Variants in CNTN4 observed in about 807,000 individuals in gnomAD.
The protein encoded by CNTN4 is contactin 4.
In CNTN4, 77 loss-of-function variants were observed where a neutral mutation model predicts 122.5. That is an observed-to-expected ratio of 0.63 (90% CI 0.52 to 0.76). CNTN4 has a LOEUF of 0.76. Among genes scored for constraint, CNTN4 ranks in the 30% least tolerant of loss-of-function variants. The pLI, the probability that CNTN4 is intolerant of heterozygous loss-of-function variation, is 0.00. For missense variants in CNTN4, 1,256 were observed against 1,259.1 expected, an observed-to-expected ratio of 1.00 and a Z score of 0.04; for synonymous variants, 512 against 447.0, an observed-to-expected ratio of 1.15 and a Z score of -1.83.
At chr3:2,248,137 G>T (rs969894417) in intron 2 of CNTN4, among the ~76,000 whole-genome samples, 2 of 151,844 alleles carry the variant, frequency 1.3e-5, no homozygotes, top group Non-Finnish European at 1.5e-5. Flanking sequence ...AAAGTTCCTG[G>T]CTCATAATAG....
chr3:2,550,397 G>C (rs2078445836), intron 3 of CNTN4, among the ~76,000 whole-genome samples: 1 of 152,138 alleles, frequency 6.6e-6, no homozygotes, highest in Admixed American at 6.6e-5. Context: ...AAACCACAGT[G>C]AGATACCATC....
rs577731932 is a variant in CNTN4 at position 3,040,875 on chromosome 3, C to T, written c.2398+604C>T. Among the ~76,000 whole-genome samples the T allele has an allele frequency of 4.0e-5, 6 of 151,502 alleles. No individual in the cohort carries two copies. In the South Asian group the frequency reaches 8.4e-4, roughly 21 times the overall value. On this transcript the variant is annotated intron_variant, in intron 20 of 24. Transcript: ENST00000418658. ...CCAGGAGGCGGAGGTTGCGGTGAGC[C>T]GAGATCGCACCACTGCACTCCAGCC...
At chr3:2,970,449 CT>C (rs146986655) in intron 13 of CNTN4, among the ~76,000 whole-genome samples, 20 of 149,132 alleles carry the variant, frequency 1.3e-4, no homozygotes, top group East Asian at 5.9e-4. Context: ...TTTATAAACA[CT>C]TTTTTTTTTA....
intron 3 of CNTN4, among the ~76,000 whole-genome samples, chr3:2,447,330 A>T (rs1390785312): frequency 1.3e-5 from 2 of 152,164 alleles, no homozygotes; most frequent in Non-Finnish European, 2.9e-5. Context: ...CATTCTAATT[A>T]TCTAATGTCT....
At chr3:2,637,843 A>G (rs1387884882) in intron 4 of CNTN4, among the ~76,000 whole-genome samples, 1 of 152,140 alleles carries the variant, frequency 6.6e-6, no homozygotes, top group Non-Finnish European at 1.5e-5. Context: ...TTCCGATTAC[A>G]GACGCTTCCC....
intron 3 of CNTN4, among the ~76,000 whole-genome samples, chr3:2,445,025 A>G (rs148541584): frequency 0.01 from 1,505 of 150,234 alleles, 8 homozygotes; most frequent in Middle Eastern, 0.021. Context: ...CTATCTCTCT[A>G]TCTATCTATC....
chr3:2,608,542 G>C (rs1207713292), intron 4 of CNTN4, among the ~76,000 whole-genome samples: 1 of 152,160 alleles, frequency 6.6e-6, no homozygotes, highest in African/African-American at 2.4e-5. Context: ...AGTGATCTCG[G>C]CTTACTACAA....
chr3:2,350,361 C>T (rs1280993473), intron 3 of CNTN4, among the ~76,000 whole-genome samples: 1 of 152,112 alleles, frequency 6.6e-6, no homozygotes, highest in Non-Finnish European at 1.5e-5. Context: ...ATCTTCTTAA[C>T]CTCATCTTTA....
intron 2 of CNTN4, among the ~76,000 whole-genome samples, chr3:2,245,633 A>T (rs1387442715): frequency 6.6e-6 from 1 of 152,084 alleles, no homozygotes; most frequent in Non-Finnish European, 1.5e-5. Context: ...TACCATGTAC[A>T]TGTTTTTAGA....
intron 7 of CNTN4, among the ~76,000 whole-genome samples, chr3:2,824,059 T>C (rs576143083): frequency 1.2e-4 from 19 of 152,152 alleles, no homozygotes; most frequent in African/African-American, 3.4e-4. Flanking sequence ...GGTTGACAGC[T>C]TGAGAATCTG....
At chr3:2,245,382 A>G (rs533513295) in intron 2 of CNTN4, among the ~76,000 whole-genome samples, 1 of 152,166 alleles carries the variant, frequency 6.6e-6, no homozygotes, top group South Asian at 2.1e-4. Flanking sequence ...CATTCTGGCA[A>G]TAAGACGAAT....
chr3:2,606,096 T>C (rs1049299830), intron 4 of CNTN4, among the ~76,000 whole-genome samples: 2 of 151,860 alleles, frequency 1.3e-5, no homozygotes, highest in Admixed American at 6.6e-5. Flanking sequence ...AAGGCTTGGG[T>C]AATAGGGGAA....
At chr3:2,250,396 G>C (rs2040329443) in intron 2 of CNTN4, among the ~76,000 whole-genome samples, 1 of 151,776 alleles carries the variant, frequency 6.6e-6, no homozygotes, top group Non-Finnish European at 1.5e-5. Flanking sequence ...TAAAATTTCA[G>C]CTATCAACCC....
chr3:2,524,479 A>G (rs1230457301), intron 3 of CNTN4, among the ~76,000 whole-genome samples: 1 of 152,144 alleles, frequency 6.6e-6, no homozygotes, highest in Non-Finnish European at 1.5e-5. Context: ...ACATACACCT[A>G]GGAGTGGAAT....
intron 17 of CNTN4, among the ~76,000 whole-genome samples, chr3:3,036,533 C>T (rs1699619995): frequency 1.3e-5 from 2 of 151,842 alleles, no homozygotes; most frequent in South Asian, 2.1e-4. Context: ...TAGGCCAAGG[C>T]GGGTGGATCG....
intron 3 of CNTN4, among the ~76,000 whole-genome samples, chr3:2,417,984 G>T (rs149995829): frequency 6.4e-4 from 97 of 152,272 alleles, no homozygotes; most frequent in African/African-American, 2.3e-3. Flanking sequence ...GGGATTTGGG[G>T]TGATGGAGAG....
At position 3,038,838 on chromosome 3, in the gene CNTN4, A is replaced by G. The variant is rs963103925; in HGVS notation, c.2093-95A>G. 8 of 917,798 alleles carry G rather than the reference A, an allele frequency of 8.7e-6. No homozygotes were observed. In the African/African-American group the frequency reaches 1.1e-4, roughly 13 times the overall value. The allele number at this position is 917,798 out of a possible 1,614,324, so 56.9% of individuals were successfully genotyped here. A position where few individuals can be genotyped will look rare whatever the true frequency, so the allele number is the denominator to read the frequency against. On this transcript the variant is annotated intron_variant, in intron 18 of 24. Coordinates refer to ENST00000418658, the MANE Select transcript of CNTN4 (RefSeq NM_175607.3). ...GAGACAAAGGGGCGTGCCTCAGAGT[A>G]CTCACTGAAAGTGAGTCACCTCTGC... is the stretch of plus-strand genomic sequence containing the variant.
At chr3:2,120,384 T>TATATATATATAA (rs1398765464) in intron 2 of CNTN4, among the ~76,000 whole-genome samples, 452 of 29,492 alleles carry the variant, frequency 0.015, 1 homozygote, top group East Asian at 0.069. Flanking sequence ...AATATATATA[T>TATATATATATAA]ATATATATAT....
rs578179550 is a variant in CNTN4 at position 2,325,905 on chromosome 3, T to C, written c.-144-13273T>C. Reference sequence around the variant, plus strand: ...AGAAATATGCTATCAACAAAAGTGATACTTATCCTATAATATTTGAGCCTG... The same window carrying C: ...AGAAATATGCTATCAACAAAAGTGACACTTATCCTATAATATTTGAGCCTG... On this transcript the variant is annotated intron_variant, in intron 2 of 24. Coordinates refer to ENST00000418658, the MANE Select transcript of CNTN4 (RefSeq NM_175607.3). Among the ~76,000 whole-genome samples, 12 of 152,332 alleles carry C rather than the reference T, an allele frequency of 7.9e-5. 1 individual carries two copies. Among genetic ancestry groups the C allele is most frequent in the Middle Eastern group, 6.8e-3 (2 of 294 alleles).
Sources: allele counts gnomAD v4.1 joint callset (sites outside exome capture counted in the v4.1 genomes callset), GRCh38; gene constraint gnomAD v4.1.1; transcripts MANE v1.5; gene names NCBI Gene and HGNC (gene_info 2026-07-23, HGNC 2026-07-21).